Variants in NAF1 observed in about 807,000 individuals in gnomAD.
NAF1 encodes the protein nuclear assembly factor 1 ribonucleoprotein, also known as H/ACA ribonucleoprotein complex non-core subunit NAF1.
A neutral mutation model predicts 40.6 loss-of-function variants in NAF1; 11 were observed. The observed-to-expected ratio is 0.27, with a 90% CI of 0.17 to 0.45. The LOEUF is 0.45. NAF1 is among the 20% of genes least tolerant of loss of function. NAF1 has a pLI of 1.00. For synonymous variants in NAF1, 260 were observed against 228.5 expected, an observed-to-expected ratio of 1.14 and a Z score of -1.24; for missense variants, 607 against 611.1, an observed-to-expected ratio of 0.99 and a Z score of 0.07.
chr4:163,164,152 T>C, intron 2 of NAF1, 65 bp downstream of exon 2: 1 of 1,394,412 alleles, frequency 7.2e-7, no homozygotes, highest in Non-Finnish European at 9.3e-7. Flanking sequence ...CAAAATTAGA[T>C]CAATACTGGT....
At chr4:163,163,040 T>A (rs1732289308) in intron 2 of NAF1, among the ~76,000 whole-genome samples, 2 of 152,216 alleles carry the variant, frequency 1.3e-5, no homozygotes, top group Admixed American at 1.3e-4. Flanking sequence ...TTTACAGAAG[T>A]ACTGTGGTCT....
At chr4:163,148,632 T>A (rs1433570045) in intron 2 of NAF1, among the ~76,000 whole-genome samples, 198 bp from the exon 3 acceptor site, 3 of 152,204 alleles carry the variant, frequency 2.0e-5, no homozygotes, top group African/African-American at 7.2e-5. Context: ...CCTAAGTGAC[T>A]CAACAGGTCT....
At chr4:163,107,972 G>C (rs1293293218), downstream of NAF1, among the ~76,000 whole-genome samples, 1 of 152,136 alleles carries the variant, frequency 6.6e-6, no homozygotes, top group Non-Finnish European at 1.5e-5. Flanking sequence ...TTGACATACA[G>C]GAATTGAAAC....
chr4:163,132,031 C>A (rs1730894974), intron 7 of NAF1, among the ~76,000 whole-genome samples: 2 of 152,126 alleles, frequency 1.3e-5, no homozygotes, highest in Admixed American at 1.3e-4. Context: ...ACAAACCTAG[C>A]AGAATGGCCA....
chr4:163,153,716 C>T (rs1386060119), intron 2 of NAF1, among the ~76,000 whole-genome samples: 2 of 152,220 alleles, frequency 1.3e-5, no homozygotes, highest in East Asian at 3.9e-4. Flanking sequence ...AGCGCCCTGA[C>T]AAAACAGGCC....
Position 163,137,249 on chromosome 4 carries a change from C to A in NAF1, c.880G>T (p.Asp294Tyr). 1 of 1,608,278 alleles carries A rather than the reference C, an allele frequency of 6.2e-7. No individual in the cohort carries two copies. Among genetic ancestry groups the A allele is most frequent in the Non-Finnish European group, 8.5e-7 (1 of 1,176,624 alleles). ...TTCCATGATGCATCTGATCCCTTATCCCTGAGTGGGGTGGGGATGGGAGTC... is the reference window on the plus strand; with the variant it reads ...TTCCATGATGCATCTGATCCCTTATACCTGAGTGGGGTGGGGATGGGAGTC... ...QYIFTEKLKQ[D>Y]KGSDASWKND... Residue 294 changes from aspartate to tyrosine, a missense_variant and splice_region_variant, in exon 6 of 8, where the codon GAT becomes TAT. By Grantham distance (160) the Asp-to-Tyr change is radical. Coordinates refer to ENST00000274054, the MANE Select transcript of NAF1 (RefSeq NM_138386.3).
intron 7 of NAF1, among the ~76,000 whole-genome samples, chr4:163,132,902 A>G (rs1356503887): frequency 6.6e-6 from 1 of 152,260 alleles, no homozygotes. Context: ...GGAAGCAAAT[A>G]GGTATCTTAA....
In NAF1 at chr4:163,116,902, C is replaced by T. The variant is rs142435412; in HGVS notation, c.115-6612G>A. On this transcript the variant is annotated intron_variant, in intron 2 of 2. Transcript: ENST00000509434. Reference sequence around the variant, plus strand: ...ACATCTTCCTTCTGCAGCACAATCCCTAACATTGCAGAGTCCTGTCAATTC... The same window carrying T: ...ACATCTTCCTTCTGCAGCACAATCCTTAACATTGCAGAGTCCTGTCAATTC... 6.2e-3 allele frequency among the ~76,000 whole-genome samples: 867 copies of T among 140,516 alleles called. 6 individuals carry two copies. Among genetic ancestry groups the T allele is most frequent in the African/African-American group, 0.023 (816 of 35,896 alleles). The allele number at this position is 140,516 out of a possible 152,430, so 92.2% of individuals were successfully genotyped here.
downstream of NAF1, chr4:163,127,046 A>T (rs1332811663): frequency 1.9e-6 from 3 of 1,551,598 alleles, no homozygotes; most frequent in South Asian, 2.4e-5. Context: ...GAAACCAAAA[A>T]GTTTGTGTGA....
Position 163,166,724 on chromosome 4 carries a change from C to G in NAF1, c.4G>C (p.Glu2Gln). Reference sequence around the variant, plus strand: ...TGAGCGGCGGCGGCCTCCACTACCTCCATCGCACCGCGCCAGAAACCGGGT... The same window carrying G: ...TGAGCGGCGGCGGCCTCCACTACCTGCATCGCACCGCGCCAGAAACCGGGT... M[E>Q]VVEAAAAQLE... The change falls in exon 1 of 8, where the codon GAG becomes CAG. Residue 2 changes from glutamate (E) to glutamine (Q), a missense_variant. Transcript: ENST00000274054. 6.2e-7 allele frequency: 1 copy of G among 1,613,400 alleles called. No homozygotes were observed.
chr4:163,125,524 C>T (rs1347819165), downstream of NAF1, among the ~76,000 whole-genome samples: 2 of 152,218 alleles, frequency 1.3e-5, no homozygotes, highest in African/African-American at 4.8e-5. Flanking sequence ...CGGGCCCTAA[C>T]TCTCTTCGAT....
chr4:163,157,486 C>T (rs898519446), intron 2 of NAF1: 31 of 152,052 alleles, frequency 2.0e-4, no homozygotes, highest in African/African-American at 7.5e-4. Flanking sequence ...AGCACAAGTT[C>T]TAAACAGTTA....
chr4:163,141,129 G>T (rs1430108630), intron 4 of NAF1, among the ~76,000 whole-genome samples: 1 of 152,130 alleles, frequency 6.6e-6, no homozygotes, highest in Non-Finnish European at 1.5e-5. Context: ...ACTTTAGGAG[G>T]TGAGGCGGGC....
intron 2 of NAF1, among the ~76,000 whole-genome samples, chr4:163,163,264 T>C (rs1732299321): frequency 6.6e-6 from 1 of 152,100 alleles, no homozygotes; most frequent in Non-Finnish European, 1.5e-5. Context: ...CTTCAAGTTA[T>C]AAAGCATAAG....
intron 5 of NAF1, among the ~76,000 whole-genome samples, chr4:163,138,332 A>G (rs945489842): frequency 6.6e-6 from 1 of 152,130 alleles, no homozygotes; most frequent in Non-Finnish European, 1.5e-5. Context: ...CCTTAAATAT[A>G]TCTCTGGTAT....
chr4:163,106,740 ATGTT>A (rs1489914595), downstream of NAF1, among the ~76,000 whole-genome samples: 1 of 152,174 alleles, frequency 6.6e-6, no homozygotes, highest in Non-Finnish European at 1.5e-5. Context: ...TTTCTGAGGT[ATGTT>A]TTCTGAGAAT....
At chr4:163,142,733 T>C (rs968683631) in intron 4 of NAF1, among the ~76,000 whole-genome samples, 4 of 152,212 alleles carry the variant, frequency 2.6e-5, no homozygotes, top group African/African-American at 9.6e-5. Context: ...CATAAGCAAT[T>C]TGGCTAATCC....
chr4:163,105,862 G>A (rs1195209593), downstream of NAF1, among the ~76,000 whole-genome samples: 1 of 152,156 alleles, frequency 6.6e-6, no homozygotes, highest in African/African-American at 2.4e-5. Flanking sequence ...GTCACTGAAT[G>A]CAAGCTCTAA....
rs1732507450 is a variant in NAF1 at position 163,166,879 on chromosome 4, G to A, written c.-152C>T. 5.8e-6 allele frequency: 6 copies of A among 1,040,878 alleles called. No homozygotes were observed. Among genetic ancestry groups the A allele is most frequent in the East Asian group, 5.5e-5 (2 of 36,340 alleles). The allele number at this position is 1,040,878 out of a possible 1,614,324, so 64.5% of individuals were successfully genotyped here. A position where few individuals can be genotyped will look rare whatever the true frequency, so the allele number is the denominator to read the frequency against. On this transcript the variant is annotated 5_prime_UTR_variant, in exon 1 of 8. Coordinates refer to ENST00000274054, the MANE Select transcript of NAF1 (RefSeq NM_138386.3). Reference sequence around the variant, plus strand: ...TTCTCAGGTAACTACACGCGGAGGAGCCAAAAGACACGCCCCCGCCATTTA... The same window carrying A: ...TTCTCAGGTAACTACACGCGGAGGAACCAAAAGACACGCCCCCGCCATTTA...
Sources: gnomAD v4.1 joint callset for allele counts (sites outside exome capture counted in the v4.1 genomes callset) on GRCh38, gnomAD v4.1.1 for gene constraint, MANE v1.5 for transcripts, NCBI Gene and HGNC (gene_info 2026-07-23, HGNC 2026-07-21) for gene names.